Variants in LRBA observed in about 807,000 individuals in gnomAD.
LRBA encodes the protein LPS responsive beige-like anchor protein, also known as lipopolysaccharide-responsive and beige-like anchor protein.
LRBA carries 176 observed loss-of-function variants against 330.0 expected under a neutral mutation model. The observed-to-expected ratio is 0.53, with a 90% confidence interval of 0.47 to 0.60. The LOEUF is 0.60. Among genes scored for constraint, LRBA ranks in the 20% least tolerant of loss-of-function variants. The pLI is 0.00. For missense variants in LRBA, 3,259 were observed against 3,444.8 expected (o/e 0.95, Z 1.35); for synonymous variants, 1,230 against 1,193.0 (o/e 1.03, Z -0.64).
intron 47 of LRBA, 129 bp from the exon 48 acceptor site, chr4:150,350,288 G>C: frequency 1.4e-6 from 1 of 719,134 alleles, no homozygotes; most frequent in East Asian, 3.2e-5. Context: ...AACAAAACTT[G>C]TGGCCGGGCG....
At chr4:150,503,816 C>T (rs1760648560) in intron 40 of LRBA, among the ~76,000 whole-genome samples, 1 of 151,944 alleles carries the variant, frequency 6.6e-6, no homozygotes. Context: ...GAAATTCGAA[C>T]CAATGGCAAA....
intron 41 of LRBA, 62 bp from the exon 42 acceptor site, chr4:150,487,896 C>T (rs1758080155): frequency 2.5e-6 from 2 of 789,588 alleles, no homozygotes; most frequent in Non-Finnish European, 4.2e-6. Flanking sequence ...AAAACTGACT[C>T]CTTGGTCCAA....
At chr4:150,526,203 G>A (rs1763456879) in intron 40 of LRBA, among the ~76,000 whole-genome samples, 1 of 152,176 alleles carries the variant, frequency 6.6e-6, no homozygotes, top group African/African-American at 2.4e-5. Context: ...AGGAAGAAAA[G>A]AAGGCCAACT....
intron 13 of LRBA, among the ~76,000 whole-genome samples, chr4:150,905,011 A>C (rs1011298658): frequency 6.6e-6 from 1 of 152,198 alleles, no homozygotes; most frequent in Non-Finnish European, 1.5e-5. Flanking sequence ...AAAATTGTAG[A>C]TAAGACGGAT....
chr4:150,857,512 T>C (rs1043105613), intron 22 of LRBA, among the ~76,000 whole-genome samples: 91 of 152,272 alleles, frequency 6.0e-4, no homozygotes, highest in African/African-American at 2.1e-3. Context: ...ATCTAGCGTA[T>C]AAACTGGTAC....
intron 34 of LRBA, among the ~76,000 whole-genome samples, chr4:150,783,971 G>A (rs1013689243): frequency 3.9e-5 from 6 of 152,170 alleles, no homozygotes. Context: ...AAGTAAATTT[G>A]TTAGTATGTA....
intron 36 of LRBA, among the ~76,000 whole-genome samples, chr4:150,695,776 A>G (rs1333993816): frequency 6.6e-6 from 1 of 152,188 alleles, no homozygotes; most frequent in Non-Finnish European, 1.5e-5. Context: ...CTAATCTGCA[A>G]AAGAGTTAGA....
intron 55 of LRBA, among the ~76,000 whole-genome samples, chr4:150,281,392 G>A (rs780441205): frequency 2.0e-4 from 30 of 152,242 alleles, no homozygotes; most frequent in Non-Finnish European, 3.7e-4. Flanking sequence ...GCCGTCCACT[G>A]AATCAAGAAA....
intron 40 of LRBA, among the ~76,000 whole-genome samples, chr4:150,587,441 T>G (rs1322109847): frequency 6.6e-6 from 1 of 152,210 alleles, no homozygotes; most frequent in Non-Finnish European, 1.5e-5. Flanking sequence ...TTTTTATGAC[T>G]GTGCTACAAA....
At chr4:150,839,852 G>A (rs1182165151) in intron 28 of LRBA, among the ~76,000 whole-genome samples, 6 of 151,346 alleles carry the variant, frequency 4.0e-5, no homozygotes, top group South Asian at 4.2e-4. Context: ...AAACCTGCAC[G>A]TTGTGCACAT....
chr4:150,544,276 T>C (rs921897605), intron 40 of LRBA, among the ~76,000 whole-genome samples: 1 of 152,040 alleles, frequency 6.6e-6, no homozygotes, highest in African/African-American at 2.4e-5. Flanking sequence ...TACAGGTGCA[T>C]GCCACCATGC....
In LRBA at chr4:150,845,194, AG is replaced by A. The variant is rs528551696; in HGVS notation, c.4340-416del. Among the ~76,000 whole-genome samples the A allele has an allele frequency of 2.5e-4, 38 of 152,372 alleles. 1 individual carries two copies. In the South Asian group the frequency reaches 7.9e-3, roughly 32 times the overall value. ...AAAGTACATTACCATGAACTAGTCG[AG>A]GTAACAATCTTCTATTACCATCATT... is the stretch of plus-strand genomic sequence containing the variant. On this transcript the variant is annotated intron_variant, in intron 26 of 56. Transcript: ENST00000651943.
intron 47 of LRBA, among the ~76,000 whole-genome samples, chr4:150,360,560 A>T (rs1251828183): frequency 6.6e-6 from 1 of 152,198 alleles, no homozygotes; most frequent in African/African-American, 2.4e-5. Flanking sequence ...TTCAGTTCCA[A>T]ATACTGAATC....
At chr4:150,559,794 TTATAA>T (rs1196674453) in intron 40 of LRBA, among the ~76,000 whole-genome samples, 1 of 81,384 alleles carries the variant, frequency 1.2e-5, no homozygotes, top group African/African-American at 5.4e-5. Flanking sequence ...TTATATATAA[TTATAA>T]TATGTTATAT....
At chr4:150,683,825 CT>C in intron 36 of LRBA, 108 bp from the exon 37 acceptor site, 1 of 738,928 alleles carries the variant, frequency 1.4e-6, no homozygotes, top group South Asian at 2.1e-5. Flanking sequence ...TTTAAATCTA[CT>C]TTTACATTCC....
chr4:150,422,652 A>C lies in LRBA; in HGVS notation c.7042-7062T>G, dbSNP rs1439793861. ...AAGAGCACCCTGAGTTCCTTAGAAG[A>C]ACTGGCACTGCTCCGGCTCCTCTAA... On this transcript the variant is annotated intron_variant, in intron 46 of 56. Transcript: ENST00000651943. 13 of 638,400 alleles carry C rather than the reference A, an allele frequency of 2.0e-5. No individual in the cohort carries two copies. In the East Asian group the frequency reaches 2.6e-4, roughly 13 times the overall value. 39.5% of individuals were successfully genotyped at this position (638,400 alleles called of 1,614,324 possible).
At chr4:150,935,075 T>C (rs1579252638) in intron 2 of LRBA, among the ~76,000 whole-genome samples, 1 of 146,560 alleles carries the variant, frequency 6.8e-6, no homozygotes, top group African/African-American at 2.5e-5. Context: ...ACTCAGGAGG[T>C]TGAGGCAGGA....
At chr4:150,527,411 A>G (rs1260271096) in intron 40 of LRBA, among the ~76,000 whole-genome samples, 1 of 152,218 alleles carries the variant, frequency 6.6e-6, no homozygotes, top group Admixed American at 6.5e-5. Flanking sequence ...TTGAGGGCAG[A>G]CTAAAGATTA....
intron 36 of LRBA, among the ~76,000 whole-genome samples, chr4:150,725,592 C>A (rs970367716): frequency 6.6e-6 from 1 of 152,096 alleles, no homozygotes; most frequent in Non-Finnish European, 1.5e-5. Flanking sequence ...CTAAAGGGAG[C>A]TCTACAATCT....
Sources: allele counts gnomAD v4.1 joint callset (sites outside exome capture counted in the v4.1 genomes callset), GRCh38; gene constraint gnomAD v4.1.1; transcripts MANE v1.5; gene names NCBI Gene and HGNC (gene_info 2026-07-23, HGNC 2026-07-21).